Variants in ABCF1 observed in about 807,000 individuals in gnomAD.
ABCF1 encodes ATP-binding cassette sub-family F member 1.
A neutral mutation model predicts 126.3 loss-of-function variants in ABCF1; 73 were observed. The ratio of observed to expected loss-of-function variants is 0.58; its 90% confidence interval spans 0.48 to 0.70. The LOEUF is 0.70. ABCF1 is among the 30% of genes least tolerant of loss of function. The pLI is 0.00. For missense variants in ABCF1, 786 were observed against 1,057.5 expected (o/e 0.74, Z 3.56); for synonymous variants, 345 against 396.4 (o/e 0.87, Z 1.54).
chr6:30,576,669 C>CT (rs929509690), intron 1 of ABCF1, among the ~76,000 whole-genome samples: 3 of 152,132 alleles, frequency 2.0e-5, no homozygotes, highest in African/African-American at 7.2e-5. Context: ...CCAGACTACT[C>CT]TGACAGCCTC....
intron 1 of ABCF1, among the ~76,000 whole-genome samples, chr6:30,573,221 A>G (rs1346146334): frequency 6.6e-6 from 1 of 152,220 alleles, no homozygotes; most frequent in Non-Finnish European, 1.5e-5. Flanking sequence ...ATTGATCGGA[A>G]CTGAGAACTG....
At chr6:30,585,375 A>T (rs906047389) in intron 15 of ABCF1, 32 bp downstream of exon 15, 1 of 1,606,072 alleles carries the variant, frequency 6.2e-7, no homozygotes, top group Non-Finnish European at 8.5e-7. Flanking sequence ...ATTGGTTCCC[A>T]TTCTGCACTT....
chr6:30,589,640 C>A, intron 20 of ABCF1, 48 bp from the exon 21 acceptor site: 3 of 1,602,784 alleles, frequency 1.9e-6, no homozygotes, highest in Non-Finnish European at 2.6e-6. Flanking sequence ...GGAGCTGCAG[C>A]ACCTTTTTCC....
chr6:30,576,274 C>CTTTT (rs1235123074), intron 1 of ABCF1, among the ~76,000 whole-genome samples: 4 of 67,102 alleles, frequency 6.0e-5, no homozygotes, highest in East Asian at 5.0e-4. Context: ...TCTCTGAGTG[C>CTTTT]TCTTTTTTTT....
In ABCF1 at chr6:30,589,952, C is replaced by T. The variant is rs758474235; in HGVS notation, c.2211C>T (p.Thr737=). ...TCGGCCTGGAGAGTCACGCCCACACCATCCAGATCTGCAAACTCTCTGGTA... is the reference window on the plus strand; with the variant it reads ...TCGGCCTGGAGAGTCACGCCCACACTATCCAGATCTGCAAACTCTCTGGTA... ...GRFGLESHAH[T]IQICKLSGGQ... is the part of the protein sequence containing the mutation. The change falls in exon 22 of 25, where the codon ACC becomes ACT. Residue 737 remains threonine (T), a synonymous_variant. Coordinates refer to ENST00000326195, the MANE Select transcript of ABCF1 (RefSeq NM_001025091.2). 2 of 1,613,668 alleles carry T rather than the reference C, an allele frequency of 1.2e-6. No individual in the cohort carries two copies. The highest frequency in any genetic ancestry group is 3.3e-5 in the Admixed American group (2 of 60,022).
At chr6:30,589,378 G>A (rs1802317489) in intron 20 of ABCF1, 2 of 419,008 alleles carry the variant, frequency 4.8e-6, no homozygotes, top group South Asian at 2.7e-5. Flanking sequence ...AAAAGTTGGT[G>A]TATGGACGAG....
At chr6:30,587,618 AG>A (rs1802216967) in intron 20 of ABCF1, among the ~76,000 whole-genome samples, 1 of 151,354 alleles carries the variant, frequency 6.6e-6, no homozygotes, top group South Asian at 2.1e-4. Flanking sequence ...CTGGGCAACA[AG>A]AGCAAAACTC....
rs373935655 is a variant in ABCF1, at chr6:30,591,196, A to G, written c.*495A>G. 3.9e-3 allele frequency: 607 copies of G among 154,534 alleles called. 6 individuals carry two copies. The highest frequency in any genetic ancestry group is 9.9e-3 in the Middle Eastern group (3 of 302). The allele number at this position is 154,534 out of a possible 1,614,324, so 9.6% of individuals were successfully genotyped here. A position where few individuals can be genotyped will look rare whatever the true frequency, so the allele number is the denominator to read the frequency against. On this transcript the variant is annotated 3_prime_UTR_variant, in exon 25 of 25. Transcript: ENST00000326195. ...TGAGGCCTTTGCCATTATCCAGCCC[A>G]AGATTTGGTGCCTGCAGCCTCTTGT...
chr6:30,575,214 C>A (rs143442445), intron 1 of ABCF1, among the ~76,000 whole-genome samples: 4 of 151,560 alleles, frequency 2.6e-5, no homozygotes, highest in Non-Finnish European at 5.9e-5. Flanking sequence ...GGACTACATG[C>A]GTGCTCTGCC....
chr6:30,584,045 G>T lies in ABCF1; in HGVS notation c.1103-147G>T. 7.2e-7 allele frequency: 1 copy of T among 1,391,760 alleles called. No individual in the cohort carries two copies. The highest frequency in any genetic ancestry group is 9.8e-7 in the Non-Finnish European group (1 of 1,020,146). The allele number at this position is 1,391,760 out of a possible 1,614,324, so 86.2% of individuals were successfully genotyped here. A position where few individuals can be genotyped will look rare whatever the true frequency, so the allele number is the denominator to read the frequency against. On this transcript the variant is annotated intron_variant, in intron 12 of 24. Coordinates refer to ENST00000326195, the MANE Select transcript of ABCF1 (RefSeq NM_001025091.2). The surrounding 1 kb of genome is among the most constrained non-coding windows in gnomAD (Gnocchi z 4.6). Reference sequence around the variant, plus strand: ...AGGGATGCTAAGGAAAGGAGGGGAGGGTCAATGAGGAACTTGAGAGTGTTT... The same window carrying T: ...AGGGATGCTAAGGAAAGGAGGGGAGTGTCAATGAGGAACTTGAGAGTGTTT...
In ABCF1 at chr6:30,586,231, G is replaced by A. The variant is rs766316432; in HGVS notation, c.1811G>A (p.Arg604His). 2.5e-6 allele frequency: 4 copies of A among 1,613,886 alleles called. No homozygotes were observed. The highest frequency in any genetic ancestry group is 4.5e-5 in the East Asian group (2 of 44,890). The change falls in exon 18 of 25, where the codon CGC becomes CAC. Residue 604 changes from arginine (R) to histidine (H), a missense_variant. Arg to His is a conservative substitution (Grantham distance 29, BLOSUM62 0). Around this residue, in one of 4 missense-constraint regions of ABCF1, gnomAD observed 288 missense variants for 423.5 expected, o/e 0.68. Transcript: ENST00000326195. The surrounding 1 kb of genome is among the most constrained non-coding windows in gnomAD (Gnocchi z 4.9). The part of the protein sequence containing the change: ...ESQEAPELLK[R>H]PKEYTVRFTF... ...CAGGAGGCCCCTGAGCTCCTGAAGC[G>A]CCCTAAGGAGTACACTGTGCGCTTC...
At position 30,578,312 on chromosome 6, in the gene ABCF1, TC is replaced by T. The variant is rs1561786929; in HGVS notation, c.344-35del. On this transcript the variant is annotated intron_variant, in intron 4 of 24. Coordinates refer to ENST00000326195, the MANE Select transcript of ABCF1 (RefSeq NM_001025091.2). The stretch of plus-strand genomic sequence containing the variant: ...CAATTGGGGGGCCAGACATTGTAAT[TC>T]TTTCCTATCTCATGTTCTCCCCCTG... 6.2e-6 allele frequency: 10 copies of T among 1,614,008 alleles called. No individual in the cohort carries two copies. The South Asian group carries it at 7.7e-5, about 12-fold the overall frequency.
chr6:30,589,931 C>G lies in ABCF1; in HGVS notation c.2190C>G (p.Gly730=), dbSNP rs200837751. 7.4e-6 allele frequency: 12 copies of G among 1,614,028 alleles called. No individual in the cohort carries two copies. The highest frequency in any genetic ancestry group is 1.7e-4 in the Middle Eastern group (1 of 5,994). Residue 730 remains glycine (G), a synonymous_variant, in exon 22 of 25, where the codon GGC becomes GGG. Coordinates refer to ENST00000326195, the MANE Select transcript of ABCF1 (RefSeq NM_001025091.2). ...CCCGCAAGTGCCTGGGCCGCTTCGG[C>G]CTGGAGAGTCACGCCCACACCATCC... ...QDARKCLGRF[G]LESHAHTIQI... is the part of the protein sequence containing the mutation.
rs184592333 is a variant in ABCF1 at position 30,574,007 on chromosome 6, A to G, written c.73+2447A>G. On this transcript the variant is annotated intron_variant, in intron 1 of 24. Transcript: ENST00000326195. This position sits in a 1 kb window ranked among gnomAD's most constrained non-coding sequence, Gnocchi z 4.3. ...TATACGAAAGGAGAGAAGACACAGTATATCTCTAGCCACACTTAATCTTTT... is the reference window on the plus strand; with the variant it reads ...TATACGAAAGGAGAGAAGACACAGTGTATCTCTAGCCACACTTAATCTTTT... 2.0e-5 allele frequency among the ~76,000 whole-genome samples: 3 copies of G among 152,342 alleles called. No homozygotes were observed. Among genetic ancestry groups the G allele is most frequent in the East Asian group, 1.9e-4 (1 of 5,194 alleles).
In ABCF1 at chr6:30,589,993, G is replaced by A; in HGVS notation, c.2233+19G>A. ...CTCTCTGGTACCACTTCAGGGGCCAGGGAGGGTGCCCTTCACCTTATCATT... is the reference window on the plus strand; with the variant it reads ...CTCTCTGGTACCACTTCAGGGGCCAAGGAGGGTGCCCTTCACCTTATCATT... On this transcript the variant is annotated intron_variant, in intron 22 of 24. Coordinates refer to ENST00000326195, the MANE Select transcript of ABCF1 (RefSeq NM_001025091.2). 1 of 1,611,018 alleles carries A rather than the reference G, an allele frequency of 6.2e-7. No individual in the cohort carries two copies. Among genetic ancestry groups the A allele is most frequent in the African/African-American group, 1.3e-5 (1 of 75,000 alleles).
In ABCF1 at chr6:30,577,895, G is replaced by A. The variant is rs112543021; in HGVS notation, c.198G>A (p.Gln66=). Residue 66 remains glutamine, a synonymous_variant, in exon 3 of 25, where the codon CAG becomes CAA. Coordinates refer to ENST00000326195, the MANE Select transcript of ABCF1 (RefSeq NM_001025091.2). ...TGCTCAAGGAGAAGGAGCAGCAGCA[G>A]CAGCAACAGCAACAGCAGGTACAAG... The part of the protein sequence containing the change: ...EKVLKEKEQQ[Q]QQQQQQQKKK... The A allele has an allele frequency of 3.7e-6, 6 of 1,613,866 alleles. No individual in the cohort carries two copies. Among genetic ancestry groups the A allele is most frequent in the Non-Finnish European group, 5.1e-6 (6 of 1,179,936 alleles).
intron 1 of ABCF1, 134 bp downstream of exon 1, chr6:30,571,694 C>G: frequency 1.0e-6 from 1 of 987,920 alleles, no homozygotes; most frequent in South Asian, 1.6e-5. Flanking sequence ...TGCCGTGGGC[C>G]CGGGAGGAGT....
chr6:30,580,161 C>T (rs560843171), intron 7 of ABCF1, among the ~76,000 whole-genome samples, 156 bp downstream of exon 7: 2 of 151,800 alleles, frequency 1.3e-5, no homozygotes, highest in South Asian at 2.1e-4. Flanking sequence ...CCTGGTAACA[C>T]GGTAAAACCC....
At chr6:30,590,264 A>G in intron 23 of ABCF1, 42 bp from the exon 24 acceptor site, 1 of 1,612,336 alleles carries the variant, frequency 6.2e-7, no homozygotes, top group Non-Finnish European at 8.5e-7. Context: ...GTAATGGAAG[A>G]CGGGAGTTGC....
Sources: allele counts gnomAD v4.1 joint callset (sites outside exome capture counted in the v4.1 genomes callset), GRCh38; gene constraint gnomAD v4.1.1; regional missense constraint gnomAD v4.1.1; non-coding constraint Gnocchi (gnomAD v3.1); transcripts MANE v1.5; gene names NCBI Gene and HGNC (gene_info 2026-07-23, HGNC 2026-07-21).